FBXL17: variants seen among roughly 807,000 people sequenced by gnomAD.
The protein encoded by FBXL17 is F-box and leucine rich repeat protein 17.
Under a neutral mutation model 66.2 loss-of-function variants are expected in FBXL17, and 22 were observed. The observed-to-expected ratio is 0.33, with a 90% CI of 0.24 to 0.47. The LOEUF (loss-of-function observed/expected upper bound fraction) is 0.47, where lower values mean the gene tolerates loss of function less well. FBXL17 is among the 20% of genes least tolerant of loss of function. FBXL17 has a pLI of 1.00. For missense variants in FBXL17, 878 were observed against 948.2 expected (o/e 0.93, Z 0.97); for synonymous variants, 474 against 400.5 (o/e 1.18, Z -2.19).
At chr5:107,884,515 A>G (rs1352718419) in intron 7 of FBXL17, among the ~76,000 whole-genome samples, 1 of 152,244 alleles carries the variant, frequency 6.6e-6, no homozygotes, top group Non-Finnish European at 1.5e-5. Flanking sequence ...CCACTCAGGT[A>G]GCCAAGTATG....
chr5:108,275,415 T>C (rs1757444355), intron 4 of FBXL17, among the ~76,000 whole-genome samples: 1 of 152,222 alleles, frequency 6.6e-6, no homozygotes. Context: ...CTAAGTGGCC[T>C]GGTCTATGCT....
At chr5:108,123,953 C>A (rs1260213965) in intron 6 of FBXL17, among the ~76,000 whole-genome samples, 3 of 152,090 alleles carry the variant, frequency 2.0e-5, no homozygotes, top group African/African-American at 7.2e-5. Context: ...AGATCACCTA[C>A]CAACCAGCAT....
chr5:107,943,661 G>C (rs192870253), intron 7 of FBXL17, among the ~76,000 whole-genome samples: 1 of 151,944 alleles, frequency 6.6e-6, no homozygotes. Context: ...TGATGGTGCA[G>C]GGTCAAATCT....
At chr5:108,142,256 A>G (rs192468443) in intron 6 of FBXL17, among the ~76,000 whole-genome samples, 35 of 152,350 alleles carry the variant, frequency 2.3e-4, no homozygotes, top group African/African-American at 7.9e-4. Context: ...CACTCAAATT[A>G]TAATTATTTT....
intron 4 of FBXL17, among the ~76,000 whole-genome samples, chr5:108,294,043 CAAAAAAA>C (rs71624893): frequency 3.9e-5 from 2 of 51,124 alleles, no homozygotes; most frequent in Non-Finnish European, 7.0e-5. Context: ...TCTTGTCTCA[CAAAAAAA>C]AAAAAAAAAA....
chr5:108,363,844 A>G (rs1235137660), intron 3 of FBXL17, among the ~76,000 whole-genome samples: 2 of 151,986 alleles, frequency 1.3e-5, no homozygotes, highest in South Asian at 2.1e-4. Context: ...ATTTCCATCA[A>G]AGTAAATAAA....
At chr5:108,245,800 C>T (rs1756068728) in intron 4 of FBXL17, among the ~76,000 whole-genome samples, 1 of 152,120 alleles carries the variant, frequency 6.6e-6, no homozygotes. Context: ...TCAGAAAGGG[C>T]AGAGCTCACA....
At chr5:108,294,214 CTA>C (rs1429977202) in intron 4 of FBXL17, among the ~76,000 whole-genome samples, 3 of 144,700 alleles carry the variant, frequency 2.1e-5, no homozygotes, top group Non-Finnish European at 3.0e-5. Context: ...AAAAGATACA[CTA>C]TATATATGGT....
intron 6 of FBXL17, among the ~76,000 whole-genome samples, chr5:108,055,115 G>A (rs559749860): frequency 2.0e-4 from 30 of 151,710 alleles, no homozygotes; most frequent in African/African-American, 5.8e-4. Flanking sequence ...ATAACAGAAC[G>A]ATATGAATTT....
At chr5:108,362,135 C>T (rs774063630) in intron 3 of FBXL17, among the ~76,000 whole-genome samples, 1 of 152,010 alleles carries the variant, frequency 6.6e-6, no homozygotes, top group Non-Finnish European at 1.5e-5. Context: ...GCTGCCTGCT[C>T]CAACATTTTG....
intron 5 of FBXL17, among the ~76,000 whole-genome samples, chr5:108,207,602 G>A (rs1754177399): frequency 6.6e-6 from 1 of 152,060 alleles, no homozygotes; most frequent in Admixed American, 6.6e-5. Context: ...GTCATAGTTT[G>A]CTGAGAATGA....
chr5:107,895,918 C>T (rs1749365998), intron 7 of FBXL17, among the ~76,000 whole-genome samples: 1 of 152,196 alleles, frequency 6.6e-6, no homozygotes, highest in African/African-American at 2.4e-5. Context: ...CACTTTCTCT[C>T]TGTCATCCTC....
chr5:108,332,375 T>C (rs1489380130), intron 4 of FBXL17, among the ~76,000 whole-genome samples: 1 of 152,210 alleles, frequency 6.6e-6, no homozygotes, highest in African/African-American at 2.4e-5. Context: ...AAATAATTTA[T>C]ATTTACTTAC....
chr5:107,919,568 C>T (rs1295266916), intron 7 of FBXL17, among the ~76,000 whole-genome samples: 1 of 152,170 alleles, frequency 6.6e-6, no homozygotes, highest in African/African-American at 2.4e-5. Flanking sequence ...CTACTGCTCT[C>T]GCTCTTGCTC....
At chr5:108,232,311 T>C (rs1348074003) in intron 4 of FBXL17, among the ~76,000 whole-genome samples, 1 of 152,182 alleles carries the variant, frequency 6.6e-6, no homozygotes, top group Non-Finnish European at 1.5e-5. Flanking sequence ...TTGCATTAAG[T>C]TAGGTGTAAT....
intron 7 of FBXL17, among the ~76,000 whole-genome samples, chr5:107,930,396 T>C (rs1750690384): frequency 6.6e-6 from 1 of 152,224 alleles, no homozygotes; most frequent in Non-Finnish European, 1.5e-5. Context: ...AGGCCTGTAC[T>C]TTGACTATTT....
intron 7 of FBXL17, among the ~76,000 whole-genome samples, chr5:107,927,004 A>G (rs2112569031): frequency 6.6e-6 from 1 of 152,238 alleles, no homozygotes; most frequent in African/African-American, 2.4e-5. Context: ...ATAATTGAAA[A>G]TTGCATAAGT....
intron 5 of FBXL17, among the ~76,000 whole-genome samples, chr5:108,195,800 A>C (rs1044429912): frequency 6.6e-6 from 1 of 152,128 alleles, no homozygotes; most frequent in African/African-American, 2.4e-5. Flanking sequence ...AATCAACAGA[A>C]TTTTTTGACA....
Position 108,381,326 on chromosome 5 carries a change from G to A in FBXL17, c.366C>T (p.Ser122=), listed in dbSNP as rs1336153867. The change falls in exon 1 of 9, where the codon TCC becomes TCT. Residue 122 remains serine (S), a synonymous_variant. Coordinates refer to ENST00000542267, the MANE Select transcript of FBXL17 (RefSeq NM_001163315.3). The part of the protein sequence containing the change: ...CAAAARRFLL[S]SAAAAAAAAA... ...CAGCGGCGGCGGCGGCGGCGGCCGAGGATAGCAGGAAGCGGCGGGCAGCAG... is the reference window on the plus strand; with the variant it reads ...CAGCGGCGGCGGCGGCGGCGGCCGAAGATAGCAGGAAGCGGCGGGCAGCAG... 9 of 1,384,036 alleles carry A rather than the reference G, an allele frequency of 6.5e-6. No individual in the cohort carries two copies. The highest frequency in any genetic ancestry group is 3.3e-5 in the Admixed American group (1 of 29,890). 85.7% of individuals were successfully genotyped at this position (1,384,036 alleles called of 1,614,324 possible).
Sources: gnomAD v4.1 joint callset for allele counts (sites outside exome capture counted in the v4.1 genomes callset) on GRCh38, gnomAD v4.1.1 for gene constraint, MANE v1.5 for transcripts, NCBI Gene and HGNC (gene_info 2026-07-23, HGNC 2026-07-21) for gene names.